The following PMPCA variants were observed in gnomAD, a reference collection of about 807,000 sequenced individuals.
The protein encoded by PMPCA is peptidase, mitochondrial processing subunit alpha.
In PMPCA, 47 loss-of-function variants were observed where a neutral mutation model predicts 59.3. The observed-to-expected ratio is 0.79, with a 90% CI of 0.63 to 1.01. PMPCA has a LOEUF of 1.01. Ranked by LOEUF, PMPCA falls within the 50% of genes least tolerant of loss-of-function variation. PMPCA has a pLI of 0.00. For synonymous variants in PMPCA, 338 were observed against 290.3 expected, an observed-to-expected ratio of 1.16 and a Z score of -1.67; for missense variants, 726 against 704.5, an observed-to-expected ratio of 1.03 and a Z score of -0.34.
chr9:136,417,197 A>G lies in PMPCA; in HGVS notation c.880A>G (p.Thr294Ala), dbSNP rs558684761. 1.8e-5 allele frequency: 28 copies of G among 1,580,272 alleles called. No individual in the cohort carries two copies. In the South Asian group the frequency reaches 2.4e-4, roughly 13 times the overall value. The change falls in exon 7 of 13, where the codon ACT (threonine) becomes GCT (alanine). Residue 294 changes from threonine to alanine, a missense_variant. Transcript: ENST00000371717. ...VDIDRSVAQY[T>A]GGIAKLERDM... ...TATTGACAGATCTGTGGCCCAGTACACTGGGGGGATTGCCAAGGTGAAGTA... is the reference window on the plus strand; with the variant it reads ...TATTGACAGATCTGTGGCCCAGTACGCTGGGGGGATTGCCAAGGTGAAGTA...
At chr9:136,418,993 G>T in intron 10 of PMPCA, 51 bp from the exon 11 acceptor site, 2 of 1,598,190 alleles carry the variant, frequency 1.3e-6, no homozygotes, top group South Asian at 2.2e-5. Flanking sequence ...AGACGGGTCA[G>T]TAGGCCGGCA....
chr9:136,422,602 C>T (rs1835488937), intron 12 of PMPCA: 3 of 1,009,680 alleles, frequency 3.0e-6, no homozygotes, highest in Non-Finnish European at 3.6e-6. Context: ...TCGTCCTTCC[C>T]TCAGGAGCCC....
At chr9:136,422,614 C>G in intron 12 of PMPCA, 1 of 1,007,320 alleles carries the variant, frequency 9.9e-7, no homozygotes, top group Admixed American at 5.3e-5. Flanking sequence ...CAGGAGCCCC[C>G]GCTTAAATCC....
chr9:136,422,860 G>A, intron 12 of PMPCA: 1 of 1,354,622 alleles, frequency 7.4e-7, no homozygotes, highest in Non-Finnish European at 9.5e-7. Flanking sequence ...GGGTGGCTTT[G>A]TCCTATATTT....
chr9:136,414,736 A>G (rs1835228273), intron 5 of PMPCA, 89 bp downstream of exon 5: 1 of 800,024 alleles, frequency 1.2e-6, no homozygotes, highest in Non-Finnish European at 2.2e-6. Flanking sequence ...CATGAGGGAG[A>G]GCACCATGTA....
rs756993488 is a variant in PMPCA at position 136,414,556 on chromosome 9, C to G, written c.441C>G (p.Asp147Glu). 2 of 1,606,212 alleles carry G rather than the reference C, an allele frequency of 1.2e-6. No homozygotes were observed. Among genetic ancestry groups the G allele is most frequent in the South Asian group, 2.2e-5 (2 of 90,956 alleles). The change falls in exon 5 of 13, where the codon GAC (aspartate) becomes GAG (glutamate). Residue 147 changes from aspartate to glutamate, a missense_variant. By Grantham distance (45) the Asp-to-Glu change is conservative. Coordinates refer to ENST00000371717, the MANE Select transcript of PMPCA (RefSeq NM_015160.3). ...GGICDCQTSR[D>E]TTMYAVSADS... ...ATGGGCTTGTGTTTTCTTCCAGAGA[C>G]ACCACCATGTATGCTGTGTCTGCTG...
In PMPCA at chr9:136,421,869, T is replaced by C. The variant is rs1260217140; in HGVS notation, c.1301T>C (p.Met434Thr). ...LERAKTQLTS[M>T]LMMNLESRPV... Reference sequence around the variant, plus strand: ...CGAGCCAAGACGCAGCTGACATCAATGCTCATGATGAACCTGGAATCCAGG... The same window carrying C: ...CGAGCCAAGACGCAGCTGACATCAACGCTCATGATGAACCTGGAATCCAGG... The change falls in exon 12 of 13, where the codon ATG (methionine) becomes ACG (threonine). Residue 434 changes from methionine to threonine, a missense_variant. Physicochemically the swap from Met to Thr is moderately conservative, Grantham distance 81. Coordinates refer to ENST00000371717, the MANE Select transcript of PMPCA (RefSeq NM_015160.3). 6.2e-7 allele frequency: 1 copy of C among 1,607,182 alleles called. No homozygotes were observed. The highest frequency in any genetic ancestry group is 8.5e-7 in the Non-Finnish European group (1 of 1,176,112).
At position 136,416,320 on chromosome 9, in the gene PMPCA, G is replaced by A; in HGVS notation, c.562G>A (p.Val188Ile). 6.2e-7 allele frequency: 1 copy of A among 1,613,812 alleles called. No individual in the cohort carries two copies. The highest frequency in any genetic ancestry group is 8.5e-7 in the Non-Finnish European group (1 of 1,179,802). ...DEEVEMTRMAVQFELEDLNLR... is the reference protein window; with the variant it reads ...DEEVEMTRMAIQFELEDLNLR... ...AGAAGTCGAGATGACGCGGATGGCG[G>A]TCCAGTTTGAGCTGGAGGACCTGAA... The change falls in exon 6 of 13, where the codon GTC becomes ATC. Residue 188 changes from valine to isoleucine, a missense_variant. Physicochemically the swap from Val to Ile is conservative, Grantham distance 29. Coordinates refer to ENST00000371717, the MANE Select transcript of PMPCA (RefSeq NM_015160.3).
chr9:136,412,149 G>C lies in PMPCA; in HGVS notation c.224G>C (p.Gly75Ala), dbSNP rs763544658. Residue 75 changes from glycine (G) to alanine (A), a missense_variant, in exon 2 of 13, where the codon GGG becomes GCG. Gly to Ala is a moderately conservative substitution (Grantham distance 60). Transcript: ENST00000371717. Reference protein sequence around the residue: ...FETKVTTLDNGLRVASQNKFG... With the variant: ...FETKVTTLDNALRVASQNKFG... ...ACCAAAGTAACCACATTGGATAATG[G>C]GCTTCGCGTGGCATCTCAGAATAAG... 1.2e-6 allele frequency: 2 copies of C among 1,614,046 alleles called. No homozygotes were observed. Among genetic ancestry groups the C allele is most frequent in the Non-Finnish European group, 1.7e-6 (2 of 1,179,964 alleles).
In PMPCA at chr9:136,419,065, A is replaced by G. The variant is rs1835370224; in HGVS notation, c.1222A>G (p.Ile408Val). Residue 408 changes from isoleucine to valine, a missense_variant, in exon 11 of 13, where the codon ATC becomes GTC. By Grantham distance (29) the Ile-to-Val change is conservative. Coordinates refer to ENST00000371717, the MANE Select transcript of PMPCA (RefSeq NM_015160.3). Reference sequence around the variant, plus strand: ...GCAGGTTCGAGAAATGGTAGAAATCATCACAAAGGAGTTTATTTTAATGGG... The same window carrying G: ...GCAGGTTCGAGAAATGGTAGAAATCGTCACAAAGGAGTTTATTTTAATGGG... ...PRQVREMVEIITKEFILMGGT... is the reference protein window; with the variant it reads ...PRQVREMVEIVTKEFILMGGT... 6.2e-7 allele frequency: 1 copy of G among 1,614,090 alleles called. No homozygotes were observed. Among genetic ancestry groups the G allele is most frequent in the East Asian group, 2.2e-5 (1 of 44,884 alleles).
Position 136,412,908 on chromosome 9 carries a change from T to C in PMPCA, c.437+16T>C, listed in dbSNP as rs1301147014. ...AGACATCAAGGTACACCAGCTTTTG[T>C]GTACAAACTGACTTTGGGTCCTTGG... On this transcript the variant is annotated intron_variant, in intron 4 of 12. Transcript: ENST00000371717. The C allele has an allele frequency of 6.8e-7, 1 of 1,474,728 alleles. No homozygotes were observed. The highest frequency in any genetic ancestry group is 9.5e-7 in the Non-Finnish European group (1 of 1,054,742). 91.4% of individuals were successfully genotyped at this position (1,474,728 alleles called of 1,614,324 possible). A position where few individuals can be genotyped will look rare whatever the true frequency, so the allele number is the denominator to read the frequency against.
chr9:136,421,248 C>A (rs913039509), intron 11 of PMPCA, among the ~76,000 whole-genome samples: 1 of 152,200 alleles, frequency 6.6e-6, no homozygotes, highest in Non-Finnish European at 1.5e-5. Flanking sequence ...TACCTTCTCC[C>A]GCTGCATGTC....
intron 11 of PMPCA, among the ~76,000 whole-genome samples, chr9:136,421,399 T>G (rs1835443691): frequency 7.2e-6 from 1 of 138,730 alleles, no homozygotes; most frequent in Non-Finnish European, 1.5e-5. Context: ...TGGGCCTGGG[T>G]TCCCGTTTTT....
chr9:136,416,119 G>A (rs954385314), intron 5 of PMPCA, 172 bp from the exon 6 acceptor site: 1 of 609,234 alleles, frequency 1.6e-6, no homozygotes, highest in Non-Finnish European at 2.9e-6. Context: ...GCTCCCTGTA[G>A]CAGTCCCCCT....
intron 12 of PMPCA, chr9:136,422,847 C>G (rs752616024): frequency 3.8e-6 from 5 of 1,316,858 alleles, no homozygotes; most frequent in Admixed American, 6.4e-5. Flanking sequence ...TGTAACTCTT[C>G]TTGGGTGGCT....
At chr9:136,416,179 C>A in intron 5 of PMPCA, 112 bp from the exon 6 acceptor site, 1 of 762,388 alleles carries the variant, frequency 1.3e-6, no homozygotes, top group Non-Finnish European at 2.3e-6. Flanking sequence ...GAGGTGACTG[C>A]CAACAGCCAC....
chr9:136,417,029 C>G lies in PMPCA; in HGVS notation c.712C>G (p.Leu238Val), dbSNP rs1279192263. Residue 238 changes from leucine (L) to valine (V), a missense_variant, in exon 7 of 13, where the codon CTG (leucine) becomes GTG (valine). Leu to Val is a conservative substitution (Grantham distance 32). Transcript: ENST00000371717. The stretch of plus-strand genomic sequence containing the variant: ...CGTAGCAAAGATCAACCGAGAGGTG[C>G]TGCATTCCTACCTGAGGAACTACTA... ...ENVAKINREV[L>V]HSYLRNYYTP... The G allele has an allele frequency of 6.2e-7, 1 of 1,613,734 alleles. No individual in the cohort carries two copies. The highest frequency in any genetic ancestry group is 1.1e-5 in the South Asian group (1 of 91,068).
In PMPCA at chr9:136,423,476, A is replaced by G. The variant is rs1399726234; in HGVS notation, c.*212A>G. On this transcript the variant is annotated 3_prime_UTR_variant, in exon 13 of 13. Transcript: ENST00000371717. ...CGAGCCTGACCACCGCAAGCCAGGA[A>G]GCAGGTGAAGTGCCCAGCGCTGGAG... is the stretch of plus-strand genomic sequence containing the variant. 3.5e-6 allele frequency: 2 copies of G among 568,864 alleles called. No homozygotes were observed. The highest frequency in any genetic ancestry group is 4.3e-5 in the South Asian group (2 of 47,054). The allele number at this position is 568,864 out of a possible 1,614,324, so 35.2% of individuals were successfully genotyped here.
Position 136,418,847 on chromosome 9 carries a change from G to A in PMPCA, c.1129G>A (p.Ala377Thr), listed in dbSNP as rs753611141. ...TCCCAGGCACCACTGGATGTATAAC[G>A]CGACCTCCTACCACCACAGCTACGA... ...VLNRHHWMYN[A>T]TSYHHSYEDT... Residue 377 changes from alanine to threonine, a missense_variant, in exon 10 of 13, where the codon GCG becomes ACG. Transcript: ENST00000371717. The A allele has an allele frequency of 1.1e-5, 17 of 1,612,604 alleles. No homozygotes were observed. The Admixed American group carries it at 2.0e-4, about 19-fold the overall frequency.
Sources: gnomAD v4.1 joint callset for allele counts (sites outside exome capture counted in the v4.1 genomes callset) on GRCh38, gnomAD v4.1.1 for gene constraint, MANE v1.5 for transcripts, NCBI Gene and HGNC (gene_info 2026-07-23, HGNC 2026-07-21) for gene names.